BPTF: variants seen among roughly 807,000 people sequenced by gnomAD.
The protein encoded by BPTF is nucleosome-remodeling factor subunit BPTF.
Under a neutral mutation model 292.5 loss-of-function variants are expected in BPTF, and 18 were observed. The ratio of observed to expected loss-of-function variants is 0.06; its 90% CI spans 0.04 to 0.09. The LOEUF (loss-of-function observed/expected upper bound fraction) is 0.09, where lower values mean the gene tolerates loss of function less well. Ranked by LOEUF, BPTF falls within the 10% of genes least tolerant of loss-of-function variation. The probability of loss-of-function intolerance (pLI) is 1.00; values close to 1 mark genes in which losing one functional copy is unlikely to be tolerated. For missense variants in BPTF, 2,726 were observed against 3,498.7 expected, an observed-to-expected ratio of 0.78 and a Z score of 5.57; for synonymous variants, 1,225 against 1,251.9, an observed-to-expected ratio of 0.98 and a Z score of 0.45.
intron 26 of BPTF, among the ~76,000 whole-genome samples, chr17:67,969,263 A>G (rs782398937): frequency 1.3e-4 from 19 of 151,106 alleles, no homozygotes; most frequent in Admixed American, 4.6e-4. Context: ...CCTGGCCAAC[A>G]TGGTGAAACC....
intron 1 of BPTF, among the ~76,000 whole-genome samples, chr17:67,844,405 G>A (rs1303425158): frequency 4.6e-5 from 7 of 151,672 alleles, no homozygotes; most frequent in Non-Finnish European, 8.8e-5. Flanking sequence ...CCGCCACCAC[G>A]CCTGGCTAAT....
chr17:67,853,981 T>G lies in BPTF; in HGVS notation c.655T>G (p.Leu219Val). 1.2e-6 allele frequency: 2 copies of G among 1,614,120 alleles called. No homozygotes were observed. Among genetic ancestry groups the G allele is most frequent in the Non-Finnish European group, 1.7e-6 (2 of 1,179,960 alleles). ...PRVHRPRSPI[L>V]EEKDIPPLEF... ...AGTACATCGGCCTCGTTCTCCTATA[T>G]TGGAAGAAAAAGACATCCCGCCCCT... Residue 219 changes from leucine (L) to valine (V), a missense_variant, in exon 2 of 28, where the codon TTG becomes GTG. By Grantham distance (32) the Leu-to-Val change is conservative. Transcript: ENST00000306378.
intron 15 of BPTF, among the ~76,000 whole-genome samples, chr17:67,926,304 C>T (rs1487954166): frequency 1.3e-5 from 2 of 148,370 alleles, no homozygotes; most frequent in African/African-American, 2.5e-5. Context: ...TGCATTTGGC[C>T]CTAATATACT....
intron 1 of BPTF, among the ~76,000 whole-genome samples, chr17:67,831,859 G>C (rs2056712923): frequency 6.6e-6 from 1 of 151,940 alleles, no homozygotes; most frequent in African/African-American, 2.4e-5. Context: ...TATGATCTCA[G>C]CACTAGCTTA....
At position 67,896,412 on chromosome 17, in the gene BPTF, T is replaced by C. The variant is rs528045378; in HGVS notation, c.2543+2247T>C. ...GAGGGTGGGAGGGGCACAAGGGTTG[T>C]AAAAATTACCTGTTGGGTACAGTGT... is the stretch of plus-strand genomic sequence containing the variant. On this transcript the variant is annotated intron_variant, in intron 7 of 27. Transcript: ENST00000306378. 1.4e-3 allele frequency among the ~76,000 whole-genome samples: 214 copies of C among 147,856 alleles called. 1 individual carries two copies. Among genetic ancestry groups the C allele is most frequent in the African/African-American group, 5.2e-3 (209 of 40,422 alleles).
intron 18 of BPTF, among the ~76,000 whole-genome samples, chr17:67,933,409 A>C (rs915053826): frequency 2.6e-5 from 4 of 151,990 alleles, no homozygotes; most frequent in African/African-American, 9.7e-5. Context: ...ATCTCTACAA[A>C]AAATAAAAAT....
intron 1 of BPTF, among the ~76,000 whole-genome samples, chr17:67,826,657 T>C (rs931594382): frequency 6.6e-6 from 1 of 150,402 alleles, no homozygotes; most frequent in African/African-American, 2.4e-5. Context: ...ATTGAAACTT[T>C]GGCAAACACA....
chr17:67,964,715 T>G (rs2067840256), intron 25 of BPTF, among the ~76,000 whole-genome samples: 1 of 152,148 alleles, frequency 6.6e-6, no homozygotes, highest in Non-Finnish European at 1.5e-5. Flanking sequence ...TTATAGTTGT[T>G]CTTGGCCGGG....
intron 1 of BPTF, among the ~76,000 whole-genome samples, chr17:67,832,867 A>C (rs1333897177): frequency 7.8e-5 from 11 of 141,398 alleles, no homozygotes; most frequent in Non-Finnish European, 1.5e-4. Context: ...AGCTCACTGC[A>C]ACCTCCACCT....
chr17:67,948,177 G>A lies in BPTF; in HGVS notation c.7797G>A (p.Val2599=). 2 of 1,614,176 alleles carry A rather than the reference G, an allele frequency of 1.2e-6. No homozygotes were observed. The highest frequency in any genetic ancestry group is 1.3e-5 in the African/African-American group (1 of 75,030). ...AAAAACGGAAGCGTGAAGAGAGTGT[G>A]GAGCAGAAACGTAGCAAGCAGAATG... The part of the protein sequence containing the change: ...AAKKRKREES[V]EQKRSKQNAT... Residue 2599 remains valine (V), a synonymous_variant, in exon 23 of 28, where the codon GTG becomes GTA. Coordinates refer to ENST00000306378, the MANE Select transcript of BPTF (RefSeq NM_182641.4).
At chr17:67,903,293 A>C (rs1050846502) in intron 7 of BPTF, among the ~76,000 whole-genome samples, 3 of 152,214 alleles carry the variant, frequency 2.0e-5, no homozygotes, top group Non-Finnish European at 2.9e-5. Flanking sequence ...GGAAGGAAAA[A>C]ACTCTGGAAA....
chr17:67,863,689 A>T (rs1484174989), intron 2 of BPTF, among the ~76,000 whole-genome samples: 2 of 152,184 alleles, frequency 1.3e-5, no homozygotes, highest in Non-Finnish European at 2.9e-5. Context: ...TTATCTCAAG[A>T]TCCTTAACTT....
In BPTF at chr17:67,958,439, G is replaced by A. The variant is rs142392071; in HGVS notation, c.7927-1102G>A. On this transcript the variant is annotated intron_variant, in intron 23 of 27. Transcript: ENST00000306378. The stretch of plus-strand genomic sequence containing the variant: ...CATTAAAACTTTTTAAAAAATATAT[G>A]AAAAGGGGCCAGGCAGTGTGGCTCA... Among the ~76,000 whole-genome samples, 793 of 152,118 alleles carry A rather than the reference G, an allele frequency of 5.2e-3. 12 individuals are homozygous for A. Among genetic ancestry groups the A allele is most frequent in the African/African-American group, 0.018 (763 of 41,480 alleles).
intron 2 of BPTF, among the ~76,000 whole-genome samples, chr17:67,864,606 A>G (rs1183976697): frequency 2.0e-5 from 3 of 151,884 alleles, no homozygotes; most frequent in Admixed American, 1.3e-4. Context: ...TTTTCTTTGA[A>G]TGGATTAGCA....
At chr17:67,895,917 T>C (rs2061409590) in intron 7 of BPTF, among the ~76,000 whole-genome samples, 1 of 151,998 alleles carries the variant, frequency 6.6e-6, no homozygotes, top group Non-Finnish European at 1.5e-5. Flanking sequence ...TATAATATTA[T>C]TTCATAATGG....
At chr17:67,857,915 G>A (rs1349843450) in intron 2 of BPTF, among the ~76,000 whole-genome samples, 1 of 150,266 alleles carries the variant, frequency 6.7e-6, no homozygotes. Context: ...AGCCTCCCAA[G>A]TAGCTGGGAC....
intron 2 of BPTF, among the ~76,000 whole-genome samples, chr17:67,857,271 C>G (rs2058752641): frequency 6.7e-6 from 1 of 150,168 alleles, no homozygotes; most frequent in East Asian, 2.0e-4. Context: ...ACACCATTCT[C>G]CTGCCTCAAC....
chr17:67,844,066 C>G lies in BPTF; in HGVS notation c.614-9874C>G, dbSNP rs112280949. On this transcript the variant is annotated intron_variant, in intron 1 of 27. Coordinates refer to ENST00000306378, the MANE Select transcript of BPTF (RefSeq NM_182641.4). The stretch of plus-strand genomic sequence containing the variant: ...AGGTGTGAGCCACCGTGCCCGGCCC[C>G]CGCCTTTTTTTTTTTTTTTTTTTTT... Among the ~76,000 whole-genome samples, 3,843 of 138,084 alleles carry G rather than the reference C, an allele frequency of 0.028. 227 individuals carry two copies. In the East Asian group the frequency reaches 0.3, roughly 11 times the overall value. The allele number at this position is 138,084 out of a possible 152,430, so 90.6% of individuals were successfully genotyped here. A position where few individuals can be genotyped will look rare whatever the true frequency, so the allele number is the denominator to read the frequency against.
rs550104031 is a variant in BPTF at position 67,912,027 on chromosome 17, A to G, written c.4143A>G (p.Leu1381=). The G allele has an allele frequency of 1.2e-6, 2 of 1,613,122 alleles. No individual in the cohort carries two copies. The highest frequency in any genetic ancestry group is 1.7e-6 in the Non-Finnish European group (2 of 1,179,706). The change falls in exon 11 of 28, where the codon CTA becomes CTG. Residue 1381 remains leucine (L), a synonymous_variant. Coordinates refer to ENST00000306378, the MANE Select transcript of BPTF (RefSeq NM_182641.4). The part of the protein sequence containing the change: ...PVNKCSDQIK[L]KNTTDKKNNE... ...ATAAATGTAGTGATCAAATAAAGCT[A>G]AAAAATACCACTGACAAAAAGAATA...
Sources: allele counts gnomAD v4.1 joint callset (sites outside exome capture counted in the v4.1 genomes callset), GRCh38; gene constraint gnomAD v4.1.1; transcripts MANE v1.5; gene names NCBI Gene and HGNC (gene_info 2026-07-23, HGNC 2026-07-21).